Variants in SND1 observed in about 807,000 individuals in gnomAD.
The protein encoded by SND1 is staphylococcal nuclease domain-containing protein 1.
SND1 carries 38 observed loss-of-function variants against 121.7 expected under a neutral mutation model. That is an observed-to-expected ratio of 0.31 (90% CI 0.24 to 0.41). SND1 has a LOEUF of 0.41. SND1 is among the 10% of genes least tolerant of loss of function. The pLI, the probability that SND1 is intolerant of heterozygous loss-of-function variation, is 1.00. For missense variants in SND1, 868 were observed against 1,184.6 expected, an observed-to-expected ratio of 0.73 and a Z score of 3.92; for synonymous variants, 401 against 447.4, an observed-to-expected ratio of 0.90 and a Z score of 1.31.
intron 17 of SND1, among the ~76,000 whole-genome samples, chr7:128,078,206 G>T (rs1793538082): frequency 6.6e-6 from 1 of 152,210 alleles, no homozygotes; most frequent in African/African-American, 2.4e-5. Context: ...TCCCACCAAG[G>T]TGCCACCTGG....
chr7:128,020,251 A>T (rs2116962047), intron 16 of SND1, among the ~76,000 whole-genome samples: 1 of 152,360 alleles, frequency 6.6e-6, no homozygotes, highest in East Asian at 1.9e-4. Flanking sequence ...AAGCACAGAT[A>T]ACAGTACTGG....
chr7:128,072,388 G>A (rs538621643), intron 16 of SND1, among the ~76,000 whole-genome samples: 5 of 152,296 alleles, frequency 3.3e-5, no homozygotes, highest in South Asian at 2.1e-4. Flanking sequence ...TGTGGAAGAC[G>A]AGAGGTCAGG....
intron 10 of SND1, among the ~76,000 whole-genome samples, chr7:127,729,412 C>G (rs1157597969): frequency 6.8e-6 from 1 of 148,078 alleles, no homozygotes; most frequent in Non-Finnish European, 1.5e-5. Flanking sequence ...GATTGCAGAG[C>G]TACCTACACT....
chr7:127,992,177 A>T (rs1173495376), intron 16 of SND1, among the ~76,000 whole-genome samples: 1 of 152,220 alleles, frequency 6.6e-6, no homozygotes, highest in Non-Finnish European at 1.5e-5. Context: ...TAATTGTATC[A>T]TCAGATTCAC....
chr7:128,030,689 A>T (rs1181596800), intron 16 of SND1: 6 of 1,524,102 alleles, frequency 3.9e-6, no homozygotes, highest in Non-Finnish European at 5.3e-6. Flanking sequence ...TGGCTCGGAA[A>T]GGAGAACCAG....
chr7:127,768,304 C>A (rs1797455254), intron 10 of SND1, among the ~76,000 whole-genome samples: 1 of 152,124 alleles, frequency 6.6e-6, no homozygotes, highest in South Asian at 2.1e-4. Flanking sequence ...TTATAACAAA[C>A]TTGTGAGGCA....
intron 10 of SND1, among the ~76,000 whole-genome samples, chr7:127,803,402 G>C (rs947462514): frequency 2.0e-5 from 3 of 151,906 alleles, no homozygotes; most frequent in African/African-American, 7.3e-5. Flanking sequence ...TTTCAGTACA[G>C]AACTTTTAAA....
At chr7:127,654,006 T>C (rs1197983612) in intron 1 of SND1, among the ~76,000 whole-genome samples, 1 of 152,246 alleles carries the variant, frequency 6.6e-6, no homozygotes, top group Admixed American at 6.5e-5. Flanking sequence ...CAAAAACATC[T>C]CTTGGCTCTC....
intron 13 of SND1, among the ~76,000 whole-genome samples, chr7:127,894,168 TA>T (rs2116743485): frequency 6.6e-6 from 1 of 152,196 alleles, no homozygotes; most frequent in African/African-American, 2.4e-5. Context: ...GTAACGCAGT[TA>T]ATGGGGGCCA....
intron 18 of SND1, among the ~76,000 whole-genome samples, chr7:128,083,602 G>A (rs1793641809): frequency 6.6e-6 from 1 of 152,248 alleles, no homozygotes; most frequent in African/African-American, 2.4e-5. Flanking sequence ...TAAACAGAAA[G>A]AAGTGAGCTA....
intron 1 of SND1, among the ~76,000 whole-genome samples, chr7:127,668,580 A>G (rs1156986792): frequency 6.6e-6 from 1 of 152,254 alleles, no homozygotes; most frequent in East Asian, 1.9e-4. Flanking sequence ...GCACTACTGC[A>G]TATCAAGTAC....
intron 9 of SND1, among the ~76,000 whole-genome samples, chr7:127,709,966 C>G (rs570522441): frequency 2.0e-5 from 3 of 151,796 alleles, no homozygotes; most frequent in African/African-American, 7.2e-5. Context: ...ACATGAAACA[C>G]TATGACTTGG....
At chr7:127,976,271 A>G (rs370873646) in intron 15 of SND1, among the ~76,000 whole-genome samples, 6 of 152,240 alleles carry the variant, frequency 3.9e-5, no homozygotes, top group Admixed American at 3.9e-4. Flanking sequence ...CAAGCTTCCC[A>G]TCCTGGTGCT....
At chr7:127,882,300 G>A (rs1385117222) in intron 12 of SND1, among the ~76,000 whole-genome samples, 1 of 149,430 alleles carries the variant, frequency 6.7e-6, no homozygotes, top group East Asian at 2.0e-4. Flanking sequence ...CAGATCAAAG[G>A]CATATGTGCT....
At chr7:127,801,090 G>A in intron 10 of SND1, among the ~76,000 whole-genome samples, 1 of 152,190 alleles carries the variant, frequency 6.6e-6, no homozygotes, top group Non-Finnish European at 1.5e-5. Flanking sequence ...GCACGTATGA[G>A]AATTTTCTGG....
intron 2 of SND1, among the ~76,000 whole-genome samples, chr7:127,687,654 T>TC (rs1795837252): frequency 6.6e-6 from 1 of 152,076 alleles, no homozygotes; most frequent in South Asian, 2.1e-4. Context: ...GTGATTTCAG[T>TC]ATTTTTTTAT....
At chr7:127,788,984 G>A (rs1468122457) in intron 10 of SND1, among the ~76,000 whole-genome samples, 2 of 152,068 alleles carry the variant, frequency 1.3e-5, no homozygotes, top group African/African-American at 2.4e-5. Flanking sequence ...CAAGGTTTTG[G>A]TCTATATGTT....
At chr7:127,931,682 T>A (rs1584675788) in intron 15 of SND1, among the ~76,000 whole-genome samples, 1 of 152,182 alleles carries the variant, frequency 6.6e-6, no homozygotes, top group South Asian at 2.1e-4. Context: ...AAAAGACAGG[T>A]TGACTCTGTT....
In SND1 at chr7:127,797,042, G is replaced by A. The variant is rs780264716; in HGVS notation, c.1153-10442G>A. ...CGAGTAGCTGGGATTACAGGTGAAC[G>A]CCACCATGCTGGGCTAATTTTTGTA... On this transcript the variant is annotated intron_variant, in intron 10 of 23. Transcript: ENST00000354725. Among the ~76,000 whole-genome samples the A allele has an allele frequency of 1.1e-4, 16 of 152,030 alleles. No individual in the cohort carries two copies. The South Asian group carries it at 2.7e-3, about 26-fold the overall frequency.
Sources: gnomAD v4.1 joint callset for allele counts (sites outside exome capture counted in the v4.1 genomes callset) on GRCh38, gnomAD v4.1.1 for gene constraint, MANE v1.5 for transcripts, NCBI Gene and HGNC (gene_info 2026-07-23, HGNC 2026-07-21) for gene names.